RYR3: variants seen among roughly 807,000 people sequenced by gnomAD.
RYR3 encodes the protein brain ryanodine receptor-calcium release channel.
Under a neutral mutation model 584.3 loss-of-function variants are expected in RYR3, and 207 were observed. The ratio of observed to expected loss-of-function variants is 0.35; its 90% CI spans 0.32 to 0.40. RYR3 has a LOEUF of 0.40. Among genes scored for constraint, RYR3 ranks in the 10% least tolerant of loss-of-function variants. The pLI is 1.00. For synonymous variants in RYR3, 2,416 were observed against 2,248.5 expected, an observed-to-expected ratio of 1.07 and a Z score of -2.11; for missense variants, 5,616 against 6,089.2, an observed-to-expected ratio of 0.92 and a Z score of 2.59.
chr15:33,824,863 A>T (rs2077294497), intron 81 of RYR3, among the ~76,000 whole-genome samples: 1 of 152,188 alleles, frequency 6.6e-6, no homozygotes, highest in African/African-American at 2.4e-5. Context: ...GTAAAATGGA[A>T]TGAGCCCCAC....
chr15:33,696,989 A>G (rs1020288164), intron 39 of RYR3, among the ~76,000 whole-genome samples: 7 of 152,324 alleles, frequency 4.6e-5, no homozygotes, highest in Middle Eastern at 3.4e-3. Flanking sequence ...AAAAATTCAT[A>G]GCATTTTAGA....
chr15:33,863,146 C>G (rs913092812), intron 102 of RYR3, among the ~76,000 whole-genome samples: 2 of 152,160 alleles, frequency 1.3e-5, no homozygotes, highest in South Asian at 2.1e-4. Flanking sequence ...TCTCTATCCC[C>G]TCTAGGAGCA....
chr15:33,373,474 T>C (rs1334981094), intron 1 of RYR3, among the ~76,000 whole-genome samples: 1 of 152,184 alleles, frequency 6.6e-6, no homozygotes, highest in Non-Finnish European at 1.5e-5. Flanking sequence ...ATGCAAAGGG[T>C]CTGGCACAGT....
chr15:33,650,341 C>T (rs963436250), intron 31 of RYR3, among the ~76,000 whole-genome samples: 1 of 152,066 alleles, frequency 6.6e-6, no homozygotes, highest in Non-Finnish European at 1.5e-5. Flanking sequence ...GGCGCCACTG[C>T]ACTCCATCCT....
intron 38 of RYR3, among the ~76,000 whole-genome samples, chr15:33,678,752 G>A (rs2064364254): frequency 6.6e-6 from 1 of 152,256 alleles, no homozygotes; most frequent in East Asian, 1.9e-4. Flanking sequence ...CGCCTCGAGG[G>A]GTCTGACAGC....
intron 12 of RYR3, among the ~76,000 whole-genome samples, chr15:33,577,070 G>A (rs2058336752): frequency 6.6e-6 from 1 of 152,050 alleles, no homozygotes; most frequent in Admixed American, 6.6e-5. Context: ...GGGAAGTGAA[G>A]GACTTCTTCA....
chr15:33,649,252 G>A lies in RYR3; in HGVS notation c.4142+17G>A, dbSNP rs771656917. On this transcript the variant is annotated intron_variant, in intron 31 of 103. Coordinates refer to ENST00000634891, the MANE Select transcript of RYR3 (RefSeq NM_001036.6). The stretch of plus-strand genomic sequence containing the variant: ...CCATGAAAGGTAAGGGGGCTCCCAA[G>A]TGGCAGGGTTAGCCATCGGGCTTCT... 3.7e-6 allele frequency: 6 copies of A among 1,605,918 alleles called. No homozygotes were observed. Among genetic ancestry groups the A allele is most frequent in the Non-Finnish European group, 5.1e-6 (6 of 1,176,712 alleles).
At chr15:33,584,557 GAAAAC>G (rs1398859159) in intron 15 of RYR3, 67 bp downstream of exon 15, 1 of 729,804 alleles carries the variant, frequency 1.4e-6, no homozygotes, top group African/African-American at 1.8e-5. Flanking sequence ...TGTAAAAAAA[GAAAAC>G]AAAGTTGAAT....
chr15:33,485,672 G>A (rs1335616143), intron 2 of RYR3, among the ~76,000 whole-genome samples: 2 of 152,196 alleles, frequency 1.3e-5, no homozygotes, highest in Non-Finnish European at 2.9e-5. Flanking sequence ...AATAGTGTGA[G>A]AGCATAGGGT....
At position 33,311,465 on chromosome 15, in the gene RYR3, C is replaced by T. The variant is rs1967268231; in HGVS notation, c.51+369C>T. On this transcript the variant is annotated intron_variant, in intron 1 of 103. Coordinates refer to ENST00000634891, the MANE Select transcript of RYR3 (RefSeq NM_001036.6). This position sits in a 1 kb window ranked among gnomAD's most constrained non-coding sequence, Gnocchi z 4.4. ...AGATCGGCGTTGGAAGCCCTCGCCC[C>T]GGGGTCGGCCCTCTGACACCTCCAT... Among the ~76,000 whole-genome samples, 1 of 152,178 alleles carries T rather than the reference C, an allele frequency of 6.6e-6. No individual in the cohort carries two copies. Among genetic ancestry groups the T allele is most frequent in the Non-Finnish European group, 1.5e-5 (1 of 68,020 alleles).
chr15:33,810,170 A>G (rs1344316788), intron 70 of RYR3, among the ~76,000 whole-genome samples: 2 of 152,170 alleles, frequency 1.3e-5, no homozygotes, highest in Non-Finnish European at 2.9e-5. Flanking sequence ...TTAACAAATC[A>G]TTCTTTTTGT....
rs1394650166 is a variant in RYR3, at chr15:33,647,457, A to G, written c.3975A>G (p.Thr1325=). 13 of 1,600,958 alleles carry G rather than the reference A, an allele frequency of 8.1e-6. No homozygotes were observed. Among genetic ancestry groups the G allele is most frequent in the Non-Finnish European group, 1.0e-5 (12 of 1,168,322 alleles). Residue 1325 remains threonine (T), a synonymous_variant, in exon 30 of 104, where the codon ACA becomes ACG. Transcript: ENST00000634891. ...KQMQEILSHT[T]TQCYYAIRIF... is the part of the protein sequence containing the mutation. ...TGCAAGAAATACTCTCTCATACAAC[A>G]ACAGTAAGTAAATGTGCTCAATTAT...
At chr15:33,682,294 C>G (rs1201014163) in intron 38 of RYR3, among the ~76,000 whole-genome samples, 4 of 152,030 alleles carry the variant, frequency 2.6e-5, no homozygotes, top group Non-Finnish European at 5.9e-5. Context: ...ATTTAAAGAC[C>G]CTCTAACTCT....
intron 14 of RYR3, among the ~76,000 whole-genome samples, chr15:33,583,215 G>C (rs1353736107): frequency 1.3e-5 from 2 of 152,166 alleles, no homozygotes; most frequent in African/African-American, 4.8e-5. Context: ...CTGATCCAGG[G>C]ACCATGACTC....
intron 1 of RYR3, among the ~76,000 whole-genome samples, chr15:33,402,613 A>G (rs1406722945): frequency 6.6e-6 from 1 of 152,230 alleles, no homozygotes; most frequent in Non-Finnish European, 1.5e-5. Flanking sequence ...TACTAGGCTG[A>G]ACTTCACATA....
chr15:33,771,269 C>T (rs2073547006), intron 62 of RYR3, among the ~76,000 whole-genome samples: 1 of 152,234 alleles, frequency 6.6e-6, no homozygotes. Flanking sequence ...AGCACGGTGG[C>T]TCACGCCTGT....
intron 69 of RYR3, among the ~76,000 whole-genome samples, chr15:33,805,685 G>C (rs958384775): frequency 1.3e-5 from 2 of 151,698 alleles, no homozygotes; most frequent in South Asian, 4.2e-4. Flanking sequence ...CACTGTGTTA[G>C]CCAGGATGGT....
At chr15:33,798,309 T>G (rs2075739740) in intron 67 of RYR3, among the ~76,000 whole-genome samples, 1 of 152,164 alleles carries the variant, frequency 6.6e-6, no homozygotes, top group Non-Finnish European at 1.5e-5. Context: ...CAGGCTGGTC[T>G]CAAACTCCTG....
chr15:33,647,010 G>A (rs570889805), intron 29 of RYR3, among the ~76,000 whole-genome samples: 2 of 152,124 alleles, frequency 1.3e-5, no homozygotes, highest in African/African-American at 4.8e-5. Context: ...TCTTTCCCCT[G>A]ATGTCTATTT....
Sources: gnomAD v4.1 joint callset for allele counts (sites outside exome capture counted in the v4.1 genomes callset) on GRCh38, gnomAD v4.1.1 for gene constraint, Gnocchi (gnomAD v3.1) non-coding constraint, MANE v1.5 for transcripts, NCBI Gene and HGNC (gene_info 2026-07-23, HGNC 2026-07-21) for gene names.